Variants in NTM observed in about 807,000 individuals in gnomAD.
NTM encodes the protein IgLON family member 2.
NTM carries 13 observed loss-of-function variants against 42.1 expected under a neutral mutation model. The ratio of observed to expected loss-of-function variants is 0.31; its 90% CI spans 0.20 to 0.49. The LOEUF is 0.49. NTM is among the 20% of genes least tolerant of loss of function. The pLI is 0.99. For missense variants in NTM, 373 were observed against 452.8 expected (o/e 0.82, Z 1.60); for synonymous variants, 187 against 179.2 (o/e 1.04, Z -0.35).
intron 4 of NTM, among the ~76,000 whole-genome samples, chr11:132,218,412 A>G (rs562076492): frequency 2.4e-4 from 36 of 152,346 alleles, no homozygotes; most frequent in Non-Finnish European, 5.0e-4. Flanking sequence ...CAATAATCCA[A>G]GAAGGGGCCT....
chr11:132,334,941 G>A lies in NTM; in HGVS notation c.968-105G>A. 2.6e-6 allele frequency: 4 copies of A among 1,525,592 alleles called. No homozygotes were observed. In the South Asian group the frequency reaches 3.8e-5, roughly 14 times the overall value. The allele number at this position is 1,525,592 out of a possible 1,614,324, so 94.5% of individuals were successfully genotyped here. On this transcript the variant is annotated intron_variant, in intron 8 of 8. Coordinates refer to ENST00000683400, the MANE Select transcript of NTM (RefSeq NM_001352005.2). ...GAACACCATGTGTTTCACTTAGAGGGATGACTCACCAGGGGCAAGGCCAAA... is the reference window on the plus strand; with the variant it reads ...GAACACCATGTGTTTCACTTAGAGGAATGACTCACCAGGGGCAAGGCCAAA...
At chr11:131,824,514 G>A (rs570037751) in intron 1 of NTM, among the ~76,000 whole-genome samples, 1 of 152,312 alleles carries the variant, frequency 6.6e-6, no homozygotes, top group South Asian at 2.1e-4. Context: ...CTGAGTAGAA[G>A]AGTGAGCAAT....
intron 1 of NTM, among the ~76,000 whole-genome samples, chr11:131,681,072 C>T (rs1288772993): frequency 8.5e-5 from 2 of 23,594 alleles, no homozygotes; most frequent in Admixed American, 7.0e-4. Flanking sequence ...CCTGTGTGAG[C>T]GTGTGTGTTT....
At chr11:131,878,560 A>G in intron 1 of NTM, among the ~76,000 whole-genome samples, 1 of 95,646 alleles carries the variant, frequency 1.0e-5, no homozygotes, top group African/African-American at 4.3e-5. Context: ...ACAGAGGGAG[A>G]CTCCATCTCA....
chr11:131,492,459 A>C (rs963846984), intron 1 of NTM, among the ~76,000 whole-genome samples: 1 of 152,202 alleles, frequency 6.6e-6, no homozygotes, highest in Non-Finnish European at 1.5e-5. Context: ...ACTTCATAAA[A>C]AGGCATTGTT....
chr11:131,976,726 A>G (rs10894482), intron 2 of NTM, among the ~76,000 whole-genome samples: 26,647 of 152,106 alleles, frequency 0.18, 2,607 homozygotes, highest in East Asian at 0.47. Context: ...CAAGAATACA[A>G]AGTCTTCTTC....
At chr11:131,436,054 T>G (rs1488814036) in intron 1 of NTM, among the ~76,000 whole-genome samples, 1 of 152,210 alleles carries the variant, frequency 6.6e-6, no homozygotes, top group Admixed American at 6.5e-5. Context: ...TCATGTGGTT[T>G]TTAACGTTGG....
chr11:131,950,815 C>T (rs1054301878), intron 2 of NTM, among the ~76,000 whole-genome samples: 5 of 152,204 alleles, frequency 3.3e-5, no homozygotes, highest in South Asian at 4.1e-4. Flanking sequence ...AATCCTCCCA[C>T]GCATGGCCTC....
intron 1 of NTM, among the ~76,000 whole-genome samples, chr11:131,740,252 C>T (rs1267758748): frequency 6.6e-6 from 1 of 152,126 alleles, no homozygotes; most frequent in Non-Finnish European, 1.5e-5. Context: ...CATCCATGTG[C>T]CTCGATTTCC....
chr11:131,591,492 G>A (rs554077258), intron 1 of NTM, among the ~76,000 whole-genome samples: 7 of 152,304 alleles, frequency 4.6e-5, no homozygotes, highest in South Asian at 2.1e-4. Context: ...GCTGAGATTC[G>A]TCCCATCTGA....
chr11:132,058,997 ACT>A (rs751828488), intron 2 of NTM, among the ~76,000 whole-genome samples: 5 of 152,124 alleles, frequency 3.3e-5, no homozygotes, highest in Non-Finnish European at 5.9e-5. Flanking sequence ...AAGCGTGCAA[ACT>A]CTGTTTAAGA....
rs147527628 is a variant in NTM, at chr11:131,610,242, C to A, written c.82+239354C>A. Among the ~76,000 whole-genome samples, 54 of 152,352 alleles carry A rather than the reference C, an allele frequency of 3.5e-4. No individual in the cohort carries two copies. In the East Asian group the frequency reaches 0.01, roughly 29 times the overall value. ...CGGAGTAAATGGAGTGCCTCCTCCA[C>A]AGGGCAGGATGCTGCAAGCCCCTCA... On this transcript the variant is annotated intron_variant, in intron 1 of 8. Coordinates refer to ENST00000683400, the MANE Select transcript of NTM (RefSeq NM_001352005.2).
intron 1 of NTM, among the ~76,000 whole-genome samples, chr11:131,760,329 G>A (rs1245906623): frequency 6.6e-6 from 1 of 152,100 alleles, no homozygotes; most frequent in African/African-American, 2.4e-5. Flanking sequence ...CCAGTGGTGG[G>A]TCTTCACTGA....
intron 1 of NTM, among the ~76,000 whole-genome samples, chr11:131,479,473 G>C (rs528918283): frequency 2.7e-3 from 405 of 152,282 alleles, no homozygotes; most frequent in Non-Finnish European, 4.7e-3. Flanking sequence ...GGTGAGAAAG[G>C]AGATTGCAGA....
intron 2 of NTM, among the ~76,000 whole-genome samples, chr11:132,138,563 A>AATCTATCTATCTATCTATC (rs1555279928): frequency 1.2e-3 from 148 of 127,142 alleles, no homozygotes; most frequent in South Asian, 4.6e-3. Context: ...TTTTCAACAG[A>AATCTATCTATCTATCTATC]ATCTATCTAT....
chr11:131,455,758 G>A (rs746628104), intron 1 of NTM, among the ~76,000 whole-genome samples: 16 of 152,188 alleles, frequency 1.1e-4, no homozygotes, highest in Non-Finnish European at 2.1e-4. Flanking sequence ...AGTGGTGGAG[G>A]CCTTGCAAGG....
intron 2 of NTM, among the ~76,000 whole-genome samples, chr11:131,920,121 G>A (rs2057008433): frequency 6.6e-6 from 1 of 152,314 alleles, no homozygotes; most frequent in South Asian, 2.1e-4. Context: ...GTTCTGTGGA[G>A]CAGGTTTTCT....
At chr11:131,642,829 G>T (rs1297804083) in intron 1 of NTM, among the ~76,000 whole-genome samples, 1 of 151,618 alleles carries the variant, frequency 6.6e-6, no homozygotes, top group Admixed American at 6.6e-5. Context: ...TCCAATTATC[G>T]TCCTGTCTTT....
chr11:131,447,073 C>G (rs962752248), intron 1 of NTM, among the ~76,000 whole-genome samples: 1 of 152,184 alleles, frequency 6.6e-6, no homozygotes, highest in Non-Finnish European at 1.5e-5. Context: ...ATTTACATGA[C>G]CCAGGCTAAG....
Sources: allele counts gnomAD v4.1 joint callset (sites outside exome capture counted in the v4.1 genomes callset), GRCh38; gene constraint gnomAD v4.1.1; transcripts MANE v1.5; gene names NCBI Gene and HGNC (gene_info 2026-07-23, HGNC 2026-07-21).